RASGRF1: variants seen among roughly 807,000 people sequenced by gnomAD.
The protein encoded by RASGRF1 is ras-specific guanine nucleotide-releasing factor 1.
A neutral mutation model predicts 138.7 loss-of-function variants in RASGRF1; 40 were observed. The observed-to-expected ratio is 0.29, with a 90% confidence interval of 0.22 to 0.38. The LOEUF is 0.38. Ranked by LOEUF, RASGRF1 falls within the 10% of genes least tolerant of loss-of-function variation. RASGRF1 has a pLI of 1.00. For missense variants in RASGRF1, 1,108 were observed against 1,650.4 expected, an observed-to-expected ratio of 0.67 and a Z score of 5.69; for synonymous variants, 614 against 663.2, an observed-to-expected ratio of 0.93 and a Z score of 1.14.
chr15:78,991,409 A>C (rs1303403196), intron 21 of RASGRF1, among the ~76,000 whole-genome samples: 4 of 152,206 alleles, frequency 2.6e-5, no homozygotes, highest in Non-Finnish European at 5.9e-5. Context: ...ATGTGCACAC[A>C]CACATGAACA....
chr15:78,981,479 G>A (rs1444631799), intron 23 of RASGRF1: 1 of 152,240 alleles, frequency 6.6e-6, no homozygotes, highest in Non-Finnish European at 1.5e-5. Context: ...GAATGTGGCT[G>A]AGAAACCGCG....
In RASGRF1 at chr15:79,064,464, G is replaced by A. The variant is rs201439198; in HGVS notation, c.339C>T (p.Asp113=). Residue 113 remains aspartate, a synonymous_variant, in exon 2 of 27, where the codon GAC becomes GAT. Transcript: ENST00000558480. The part of the protein sequence containing the change: ...NQKALELRTE[D]AKDCDEWVAA... ...CCACCCATTCGTCACAATCTTTTGC[G>A]TCCTCTGTCCTCAGCTCCAAGGCTT... 7.1e-5 allele frequency: 114 copies of A among 1,614,160 alleles called. No homozygotes were observed. The highest frequency in any genetic ancestry group is 1.6e-4 in the Middle Eastern group (1 of 6,062).
intron 22 of RASGRF1, among the ~76,000 whole-genome samples, chr15:78,989,605 T>C (rs1022263613): frequency 6.6e-6 from 1 of 152,114 alleles, no homozygotes; most frequent in Non-Finnish European, 1.5e-5. Flanking sequence ...AAGACCATCT[T>C]ACCACAAGAA....
In RASGRF1 at chr15:79,032,512, T is replaced by C. The variant is rs905123780; in HGVS notation, c.959-196A>G. ...AGTGCTAGTAGGTGGGCCCCCATCATTGGGACCACATTAGAATCACAGACT... is the reference window on the plus strand; with the variant it reads ...AGTGCTAGTAGGTGGGCCCCCATCACTGGGACCACATTAGAATCACAGACT... On this transcript the variant is annotated intron_variant, in intron 6 of 26. Transcript: ENST00000558480. The surrounding 1 kb of genome is among the most constrained non-coding windows in gnomAD (Gnocchi z 4.5). 8.5e-5 allele frequency among the ~76,000 whole-genome samples: 13 copies of C among 152,196 alleles called. No homozygotes were observed. Among genetic ancestry groups the C allele is most frequent in the African/African-American group, 1.9e-4 (8 of 41,452 alleles).
chr15:79,026,529 T>C (rs1567540720), intron 9 of RASGRF1, among the ~76,000 whole-genome samples: 1 of 152,092 alleles, frequency 6.6e-6, no homozygotes, highest in Non-Finnish European at 1.5e-5. Context: ...GTTCTCTGAG[T>C]GTCCCCAGAA....
rs562044559 is a variant in RASGRF1, at chr15:78,960,882, A to G, written c.*1262T>C. 1 of 152,328 alleles carries G rather than the reference A, an allele frequency of 6.6e-6. No individual in the cohort carries two copies. Among genetic ancestry groups the G allele is most frequent in the South Asian group, 2.1e-4 (1 of 4,826 alleles). 9.4% of individuals were successfully genotyped at this position (152,328 alleles called of 1,614,324 possible). On this transcript the variant is annotated 3_prime_UTR_variant, in exon 27 of 27. Transcript: ENST00000558480. Reference sequence around the variant, plus strand: ...TCATCAAATATTCCTTGACTGAACGAATGAAACCCATCAAAACTCGCTGTT... The same window carrying G: ...TCATCAAATATTCCTTGACTGAACGGATGAAACCCATCAAAACTCGCTGTT...
intron 22 of RASGRF1, chr15:78,989,980 C>T: frequency 1.7e-6 from 1 of 579,048 alleles, no homozygotes; most frequent in Non-Finnish European, 3.1e-6. Context: ...CCTCCTATGA[C>T]TGTTCCATGG....
At position 78,999,735 on chromosome 15, in the gene RASGRF1, C is replaced by T; in HGVS notation, c.2746+8G>A. 6.2e-7 allele frequency: 1 copy of T among 1,612,766 alleles called. No individual in the cohort carries two copies. Among genetic ancestry groups the T allele is most frequent in the Non-Finnish European group, 8.5e-7 (1 of 1,179,548 alleles). On this transcript the variant is annotated splice_region_variant and intron_variant, in intron 17 of 26. Transcript: ENST00000558480. ...GAGGACCCTGTGAGTGGAGAACACCCCACATACCTGCACTGGCTAAGGACA... is the reference window on the plus strand; with the variant it reads ...GAGGACCCTGTGAGTGGAGAACACCTCACATACCTGCACTGGCTAAGGACA...
chr15:79,069,983 C>T (rs1211729828), intron 1 of RASGRF1, among the ~76,000 whole-genome samples: 5 of 152,204 alleles, frequency 3.3e-5, no homozygotes, highest in African/African-American at 4.8e-5. Context: ...GTTTCCCTGC[C>T]ATGAGCTGAC....
intron 8 of RASGRF1, among the ~76,000 whole-genome samples, chr15:79,030,421 G>C (rs2057120804): frequency 6.6e-6 from 1 of 152,190 alleles, no homozygotes; most frequent in Non-Finnish European, 1.5e-5. Flanking sequence ...TCCTGCCCAA[G>C]CTAATTCCCT....
chr15:78,989,062 C>T (rs1045819855), intron 22 of RASGRF1, among the ~76,000 whole-genome samples: 4 of 152,068 alleles, frequency 2.6e-5, no homozygotes, highest in African/African-American at 4.8e-5. Flanking sequence ...GGTAGGCACC[C>T]GGTTAGGGGG....
chr15:79,061,413 A>AATATATATATATATATATATATATATAT (rs57956576), intron 2 of RASGRF1, among the ~76,000 whole-genome samples: 2,035 of 116,178 alleles, frequency 0.018, 75 homozygotes, highest in Admixed American at 0.02. Context: ...CTATCTTTAA[A>AATATATATATATATATATATATATATAT]ATATATATAT....
chr15:79,032,361 G>T lies in RASGRF1; in HGVS notation c.959-45C>A, dbSNP rs1209350435. 1 of 1,586,858 alleles carries T rather than the reference G, an allele frequency of 6.3e-7. No individual in the cohort carries two copies. Among genetic ancestry groups the T allele is most frequent in the African/African-American group, 1.3e-5 (1 of 74,526 alleles). On this transcript the variant is annotated intron_variant, in intron 6 of 26. Transcript: ENST00000558480. This position sits in a 1 kb window ranked among gnomAD's most constrained non-coding sequence, Gnocchi z 4.5. ...AGCGGGTGGCTAGGGCAGCTTGGTG[G>T]GGACAGAATCCCCTAGGCCCTTGGC...
chr15:79,074,679 A>G (rs908185180), intron 1 of RASGRF1, among the ~76,000 whole-genome samples: 2 of 152,186 alleles, frequency 1.3e-5, no homozygotes, highest in African/African-American at 2.4e-5. Context: ...CTGGGGTCCA[A>G]CTGCAGTTGT....
chr15:79,040,717 A>G lies in RASGRF1; in HGVS notation c.879-5507T>C, dbSNP rs371259561. 1.6e-4 allele frequency among the ~76,000 whole-genome samples: 24 copies of G among 152,380 alleles called. No homozygotes were observed. In the South Asian group the frequency reaches 1.9e-3, roughly 12 times the overall value. On this transcript the variant is annotated intron_variant, in intron 5 of 26. Transcript: ENST00000558480. Reference sequence around the variant, plus strand: ...TTTTAAAATCAAGTTTTGGTAAAAAAAAATTGGGAAGTTTTCCACTTTTAT... The same window carrying G: ...TTTTAAAATCAAGTTTTGGTAAAAAGAAATTGGGAAGTTTTCCACTTTTAT...
intron 24 of RASGRF1, chr15:78,980,200 A>G (rs2055990800): frequency 6.5e-6 from 1 of 154,652 alleles, no homozygotes; most frequent in East Asian, 1.9e-4. Flanking sequence ...TGTTTATAAA[A>G]TGCAAACATT....
chr15:79,064,730 T>C (rs1595956837), intron 1 of RASGRF1: 1 of 576,130 alleles, frequency 1.7e-6, no homozygotes, highest in African/African-American at 1.9e-5. Flanking sequence ...TAACAGAGCC[T>C]ATGCTTAGGA....
In RASGRF1 at chr15:79,006,960, C is replaced by T. The variant is rs1009003933; in HGVS notation, c.1827-526G>A. Among the ~76,000 whole-genome samples the T allele has an allele frequency of 2.0e-5, 3 of 152,044 alleles. No homozygotes were observed. The highest frequency in any genetic ancestry group is 4.8e-5 in the African/African-American group (2 of 41,390). ...CCTGGAGATGGAGGTTGCAGTGAGCCGAGACTGTGACACTGCCCTCCAGCC... is the reference window on the plus strand; with the variant it reads ...CCTGGAGATGGAGGTTGCAGTGAGCTGAGACTGTGACACTGCCCTCCAGCC... On this transcript the variant is annotated intron_variant, in intron 13 of 26. Coordinates refer to ENST00000558480, the MANE Select transcript of RASGRF1 (RefSeq NM_001145648.3). The surrounding 1 kb of genome is among the most constrained non-coding windows in gnomAD (Gnocchi z 4.0).
At chr15:79,053,962 G>C (rs2057472260) in intron 3 of RASGRF1, among the ~76,000 whole-genome samples, 1 of 152,230 alleles carries the variant, frequency 6.6e-6, no homozygotes, top group African/African-American at 2.4e-5. Context: ...AAACAGTAAA[G>C]CTCTCTGAAA....
Sources: gnomAD v4.1 joint callset for allele counts (sites outside exome capture counted in the v4.1 genomes callset) on GRCh38, gnomAD v4.1.1 for gene constraint, Gnocchi (gnomAD v3.1) non-coding constraint, MANE v1.5 for transcripts, NCBI Gene and HGNC (gene_info 2026-07-23, HGNC 2026-07-21) for gene names.